Variants in SCIN observed in about 807,000 individuals in gnomAD.
SCIN encodes scinderin.
A neutral mutation model predicts 91.8 loss-of-function variants in SCIN; 91 were observed. The ratio of observed to expected loss-of-function variants is 0.99; its 90% CI spans 0.84 to 1.18. SCIN has a LOEUF of 1.18. Among genes scored for constraint, SCIN ranks in the 50% most tolerant of loss-of-function variants. The probability of loss-of-function intolerance (pLI) is 0.00; values close to 1 mark genes in which losing one functional copy is unlikely to be tolerated. For synonymous variants in SCIN, 367 were observed against 312.6 expected (o/e 1.17, Z -1.84); for missense variants, 1,087 against 863.9 (o/e 1.26, Z -3.24).
At chr7:12,595,958 C>T (rs1782831664) in intron 3 of SCIN, among the ~76,000 whole-genome samples, 1 of 152,082 alleles carries the variant, frequency 6.6e-6, no homozygotes, top group Non-Finnish European at 1.5e-5. Context: ...AGAAAGAATT[C>T]GACTGACGGG....
chr7:12,610,595 G>A (rs923852656), intron 4 of SCIN, among the ~76,000 whole-genome samples: 3 of 152,082 alleles, frequency 2.0e-5, no homozygotes, highest in Non-Finnish European at 4.4e-5. Context: ...CTGTTTTTTA[G>A]GGGATAGTAT....
At chr7:12,624,962 C>A in intron 5 of SCIN, 48 bp from the exon 6 acceptor site, 1 of 1,535,026 alleles carries the variant, frequency 6.5e-7, no homozygotes, top group East Asian at 2.5e-5. Flanking sequence ...TATAGAACAT[C>A]CTTATCATCC....
At position 12,600,545 on chromosome 7, in the gene SCIN, T is replaced by G. The variant is rs965905681; in HGVS notation, c.517-3969T>G. On this transcript the variant is annotated intron_variant, in intron 3 of 15. Transcript: ENST00000297029. The stretch of plus-strand genomic sequence containing the variant: ...ACAAAGATACGTGTAGGAAAAAATA[T>G]TCTGATTTATAGGGTCAATGTTTTT... Among the ~76,000 whole-genome samples, 10 of 152,128 alleles carry G rather than the reference T, an allele frequency of 6.6e-5. No individual in the cohort carries two copies. The South Asian group carries it at 2.1e-3, about 31-fold the overall frequency.
chr7:12,572,492 C>G (rs1049473705), intron 1 of SCIN, among the ~76,000 whole-genome samples: 5 of 152,234 alleles, frequency 3.3e-5, no homozygotes, highest in African/African-American at 1.2e-4. Flanking sequence ...TGAAATGCCA[C>G]ATTTGCCATT....
intron 1 of SCIN, chr7:12,571,565 G>C (rs1782271769): frequency 2.1e-6 from 1 of 468,212 alleles, no homozygotes; most frequent in Non-Finnish European, 4.4e-6. Context: ...GCACCATGCT[G>C]CTTGTGGGTC....
At chr7:12,633,955 T>C (rs1404879087) in intron 9 of SCIN, among the ~76,000 whole-genome samples, 1 of 142,196 alleles carries the variant, frequency 7.0e-6, no homozygotes, top group African/African-American at 2.6e-5. Context: ...TTATCAACAT[T>C]TGTGTGCATG....
chr7:12,653,879 A>G lies in SCIN; in HGVS notation c.*1164A>G, dbSNP rs537075746. 1 of 152,178 alleles carries G rather than the reference A, an allele frequency of 6.6e-6. No individual in the cohort carries two copies. Among genetic ancestry groups the G allele is most frequent in the Non-Finnish European group, 1.5e-5 (1 of 68,004 alleles). 9.4% of individuals were successfully genotyped at this position (152,178 alleles called of 1,614,324 possible). ...TTCCCTTTTCTAAGTAATAATTTTT[A>G]TCGCAGTTACCCTGATTCTATTCCA... On this transcript the variant is annotated 3_prime_UTR_variant, in exon 16 of 16. Coordinates refer to ENST00000297029, the MANE Select transcript of SCIN (RefSeq NM_001112706.3). This position sits in a 1 kb window ranked among gnomAD's most constrained non-coding sequence, Gnocchi z 4.1.
At chr7:12,632,730 A>G (rs1013734194) in intron 9 of SCIN, among the ~76,000 whole-genome samples, 1 of 152,224 alleles carries the variant, frequency 6.6e-6, no homozygotes, top group African/African-American at 2.4e-5. Context: ...AAAAATCTTA[A>G]GAAGACAGGT....
chr7:12,636,107 A>G lies in SCIN; in HGVS notation c.1382A>G (p.Asp461Gly), dbSNP rs1783746620. ...TCTGCGTTCCTGACTGTTCAGTTGG[A>G]TCGGTCCCTTGGAGGACAGGCTGTG... Reference protein sequence around the residue: ...TTSAFLTVQLDRSLGGQAVQI... With the variant: ...TTSAFLTVQLGRSLGGQAVQI... The change falls in exon 10 of 16, where the codon GAT (aspartate) becomes GGT (glycine). Residue 461 changes from aspartate to glycine, a missense_variant. By Grantham distance (94) the Asp-to-Gly change is moderately conservative (BLOSUM62 -1). Transcript: ENST00000297029. The G allele has an allele frequency of 2.5e-6, 4 of 1,613,154 alleles. No individual in the cohort carries two copies. The highest frequency in any genetic ancestry group is 3.4e-6 in the Non-Finnish European group (4 of 1,179,664).
intron 3 of SCIN, among the ~76,000 whole-genome samples, chr7:12,601,275 G>A (rs1782952743): frequency 6.6e-6 from 1 of 152,126 alleles, no homozygotes; most frequent in South Asian, 2.1e-4. Flanking sequence ...TACAGGAGAG[G>A]CTGCCCCATT....
chr7:12,583,723 T>C (rs1782532966), intron 3 of SCIN, among the ~76,000 whole-genome samples: 1 of 152,126 alleles, frequency 6.6e-6, no homozygotes, highest in Admixed American at 6.6e-5. Context: ...CAGGTTGTAG[T>C]TCTTGTGCCG....
At position 12,570,813 on chromosome 7, in the gene SCIN, G is replaced by C; in HGVS notation, c.27G>C (p.Glu9Asp). 1 of 1,551,448 alleles carries C rather than the reference G, an allele frequency of 6.4e-7. No individual in the cohort carries two copies. Among genetic ancestry groups the C allele is most frequent in the Non-Finnish European group, 8.7e-7 (1 of 1,146,946 alleles). Residue 9 changes from glutamate to aspartate, a missense_variant, in exon 1 of 16, where the codon GAG becomes GAC. Coordinates refer to ENST00000297029, the MANE Select transcript of SCIN (RefSeq NM_001112706.3). Reference protein sequence around the residue: MARELYHEEFARAGKQAGL... With the variant: MARELYHEDFARAGKQAGL... ...TGGCGCGGGAGCTATACCACGAAGAGTTCGCCCGGGCGGGCAAGCAGGCGG... is the reference window on the plus strand; with the variant it reads ...TGGCGCGGGAGCTATACCACGAAGACTTCGCCCGGGCGGGCAAGCAGGCGG...
intron 6 of SCIN, among the ~76,000 whole-genome samples, 197 bp from the exon 7 acceptor site, chr7:12,625,565 A>G (rs1233301831): frequency 6.6e-6 from 1 of 150,834 alleles, no homozygotes; most frequent in African/African-American, 2.4e-5. Context: ...TCTTGACCTC[A>G]TGATCCACCT....
Position 12,641,564 on chromosome 7 carries a change from G to A in SCIN, c.1581+1047G>A, listed in dbSNP as rs193271205. ...ATTATCTCACTATTTCCATCTCTCC[G>A]GCTTCTCTCTTCCAGCAGTCTTTTC... On this transcript the variant is annotated intron_variant, in intron 11 of 15. Transcript: ENST00000297029. 1.1e-3 allele frequency among the ~76,000 whole-genome samples: 172 copies of A among 151,936 alleles called. 1 individual carries two copies. Among genetic ancestry groups the A allele is most frequent in the African/African-American group, 3.8e-3 (157 of 41,422 alleles).
rs549154819 is a variant in SCIN, at chr7:12,591,111, T to C, written c.516+9890T>C. On this transcript the variant is annotated intron_variant, in intron 3 of 15. Coordinates refer to ENST00000297029, the MANE Select transcript of SCIN (RefSeq NM_001112706.3). ...GGGTTGGTGAGAGGCTCGGAGGAAA[T>C]GTTTGGGAAATGTGGCTGTACGTGG... 4.6e-5 allele frequency among the ~76,000 whole-genome samples: 7 copies of C among 152,036 alleles called. No homozygotes were observed. The South Asian group carries it at 1.2e-3, about 27-fold the overall frequency.
At position 12,626,767 on chromosome 7, in the gene SCIN, A is replaced by G. The variant is rs774834231; in HGVS notation, c.1165A>G (p.Asn389Asp). The change falls in exon 8 of 16, where the codon AAT (asparagine) becomes GAT (aspartate). Residue 389 changes from asparagine to aspartate, a missense_variant. Coordinates refer to ENST00000297029, the MANE Select transcript of SCIN (RefSeq NM_001112706.3). ...TTCTCCGCAGATGGCAGCCCAGCAC[A>G]ATATGGTGGATGATGGTTCTGGCAA... ...HSSPQMAAQH[N>D]MVDDGSGKVE... The G allele has an allele frequency of 1.7e-5, 27 of 1,610,486 alleles. No individual in the cohort carries two copies. The highest frequency in any genetic ancestry group is 2.1e-5 in the Non-Finnish European group (25 of 1,178,426).
At chr7:12,591,000 G>A (rs974686927) in intron 3 of SCIN, among the ~76,000 whole-genome samples, 1 of 152,100 alleles carries the variant, frequency 6.6e-6, no homozygotes, top group African/African-American at 2.4e-5. Context: ...CAATTACTTG[G>A]TCAAGGGAAA....
chr7:12,570,876 G>A lies in SCIN; in HGVS notation c.90G>A (p.Val30=). ...GGAGGATTGAGAAGCTGGAGCTGGTGCCCGTGCCCCAGAGCGCTCACGGCG... is the reference window on the plus strand; with the variant it reads ...GGAGGATTGAGAAGCTGGAGCTGGTACCCGTGCCCCAGAGCGCTCACGGCG... ...QVWRIEKLEL[V]PVPQSAHGDF... is the part of the protein sequence containing the mutation. The change falls in exon 1 of 16, where the codon GTG becomes GTA. Residue 30 remains valine (V), a synonymous_variant. Transcript: ENST00000297029. The A allele has an allele frequency of 1.3e-6, 2 of 1,551,606 alleles. No individual in the cohort carries two copies. The highest frequency in any genetic ancestry group is 1.7e-6 in the Non-Finnish European group (2 of 1,146,974).
chr7:12,625,977 G>A, intron 7 of SCIN, 127 bp downstream of exon 7: 1 of 613,800 alleles, frequency 1.6e-6, no homozygotes, highest in Non-Finnish European at 2.8e-6. Flanking sequence ...CCACCTGCCT[G>A]TCTGCTGCAA....
Sources: allele counts gnomAD v4.1 joint callset (sites outside exome capture counted in the v4.1 genomes callset), GRCh38; gene constraint gnomAD v4.1.1; non-coding constraint Gnocchi (gnomAD v3.1); transcripts MANE v1.5; gene names NCBI Gene and HGNC (gene_info 2026-07-23, HGNC 2026-07-21).